Variants in PCDHA6 observed in about 807,000 individuals in gnomAD.
PCDHA6 encodes the protein protocadherin alpha 6.
In PCDHA6, 55 loss-of-function variants were observed where a neutral mutation model predicts 60.3. That is an observed-to-expected ratio of 0.91 (90% CI 0.73 to 1.14). PCDHA6 has a LOEUF of 1.14. PCDHA6 is among the 50% of genes most tolerant of loss of function. The pLI is 0.00. For synonymous variants in PCDHA6, 652 were observed against 557.9 expected (o/e 1.17, Z -2.38); for missense variants, 1,327 against 1,256.5 (o/e 1.06, Z -0.85).
intron 1 of PCDHA6, among the ~76,000 whole-genome samples, chr5:140,944,008 C>T (rs1253527034): frequency 1.3e-5 from 2 of 152,054 alleles, no homozygotes; most frequent in Non-Finnish European, 2.9e-5. Context: ...GAGTACCCCC[C>T]AAAAGCAATT....
chr5:140,924,178 A>C (rs2081709408), intron 1 of PCDHA6, among the ~76,000 whole-genome samples: 3 of 152,260 alleles, frequency 2.0e-5, no homozygotes. Context: ...GCACTGAAGC[A>C]GAAAATTAGT....
At chr5:140,876,274 G>C (rs1554168448) in intron 1 of PCDHA6, 8 of 1,613,990 alleles carry the variant, frequency 5.0e-6, no homozygotes, top group Non-Finnish European at 6.8e-6. Context: ...AAATGCTTCC[G>C]ATCCAGACGA....
At chr5:140,836,614 C>G in intron 1 of PCDHA6, 1 of 1,613,584 alleles carries the variant, frequency 6.2e-7, no homozygotes, top group Non-Finnish European at 8.5e-7. Context: ...TGCTCCAGCG[C>G]GGTGGGGAGC....
At chr5:140,997,727 C>G (rs2097783097) in intron 3 of PCDHA6, among the ~76,000 whole-genome samples, 1 of 151,244 alleles carries the variant, frequency 6.6e-6, no homozygotes, top group Admixed American at 6.6e-5. Flanking sequence ...TACGTCAGTA[C>G]ATATAGATTT....
intron 1 of PCDHA6, chr5:140,926,986 C>A (rs782199565): frequency 8.1e-6 from 13 of 1,610,594 alleles, no homozygotes; most frequent in Non-Finnish European, 2.5e-6. Flanking sequence ...GGAGACGGAG[C>A]GGGGCGTAGC....
intron 1 of PCDHA6, among the ~76,000 whole-genome samples, chr5:140,900,263 G>A (rs909474202): frequency 2.0e-5 from 3 of 151,830 alleles, no homozygotes; most frequent in African/African-American, 7.3e-5. Flanking sequence ...GTACTCCATT[G>A]TGTATATGTA....
chr5:140,932,607 T>C (rs555006363), intron 1 of PCDHA6, among the ~76,000 whole-genome samples: 8 of 152,052 alleles, frequency 5.3e-5, no homozygotes, highest in Non-Finnish European at 7.4e-5. Flanking sequence ...CTATTTTGAC[T>C]TTGAAGCTGA....
At chr5:140,867,604 A>C (rs1420460822) in intron 1 of PCDHA6, 1 of 152,164 alleles carries the variant, frequency 6.6e-6, no homozygotes, top group Non-Finnish European at 1.5e-5. Flanking sequence ...GAGATAAACC[A>C]TCAAAACTAT....
intron 1 of PCDHA6, chr5:140,835,804 T>C (rs1344050034): frequency 6.2e-7 from 1 of 1,612,866 alleles, no homozygotes; most frequent in East Asian, 2.2e-5. Context: ...GGCTGCCACA[T>C]CTTCACTGTG....
At chr5:140,883,634 G>C (rs782548505) in intron 1 of PCDHA6, 18 of 1,613,174 alleles carry the variant, frequency 1.1e-5, no homozygotes, top group African/African-American at 5.4e-5. Flanking sequence ...GCCGGCGTTC[G>C]CGCAGCCCGA....
intron 1 of PCDHA6, among the ~76,000 whole-genome samples, chr5:140,897,022 A>G (rs1009125089): frequency 2.6e-5 from 4 of 152,142 alleles, no homozygotes; most frequent in Non-Finnish European, 2.9e-5. Flanking sequence ...CAACTAAATT[A>G]TTTAGACCAT....
chr5:140,982,998 GAAAGAA>G (rs1469608645), intron 3 of PCDHA6, among the ~76,000 whole-genome samples: 10 of 151,726 alleles, frequency 6.6e-5, no homozygotes, highest in Admixed American at 5.2e-4. Context: ...AAGAAGGAAA[GAAAGAA>G]AAAGGAAGGA....
At chr5:140,884,496 G>T (rs782182672) in intron 1 of PCDHA6, 1 of 1,614,094 alleles carries the variant, frequency 6.2e-7, no homozygotes, top group Non-Finnish European at 8.5e-7. Flanking sequence ...GTGTGCTCCA[G>T]CGCGGCAGGG....
intron 1 of PCDHA6, chr5:140,883,308 C>A: frequency 6.2e-7 from 1 of 1,614,102 alleles, no homozygotes; most frequent in Non-Finnish European, 8.5e-7. Context: ...AATGATAACG[C>A]CCCAGAGGTT....
rs2150160897 is a variant in PCDHA6, at chr5:140,828,930, CT to C, written c.843del (p.Phe281LeufsTer15). ...DEGANGAISY[S>X]FNSLVAAMVI... is the part of the protein sequence containing the mutation. ...GGAGCGAATGGGGCAATTTCATATT[CT>C]TTTAATAGCCTTGTTGCAGCCATGG... On this transcript the variant is annotated frameshift_variant, in exon 1 of 4. Coordinates refer to ENST00000529310, the MANE Select transcript of PCDHA6 (RefSeq NM_018909.4). LOFTEE classifies it high-confidence loss of function. The C allele has an allele frequency of 5.6e-6, 9 of 1,614,116 alleles. No individual in the cohort carries two copies. In the South Asian group the frequency reaches 8.8e-5, roughly 16 times the overall value.
intron 1 of PCDHA6, chr5:140,836,768 A>AT: frequency 5.1e-6 from 8 of 1,555,112 alleles, no homozygotes; most frequent in Non-Finnish European, 7.0e-6. Context: ...GTTTCCAACA[A>AT]TTTTAAAACA....
chr5:140,998,942 T>C (rs1435302179), intron 3 of PCDHA6, among the ~76,000 whole-genome samples: 4 of 152,222 alleles, frequency 2.6e-5, no homozygotes, highest in Non-Finnish European at 5.9e-5. Flanking sequence ...ATGAAGAAAC[T>C]GTAAGTCAAT....
At position 140,990,371 on chromosome 5, in the gene PCDHA6, A is replaced by G. The variant is rs570757505; in HGVS notation, c.2542+7808A>G. Reference sequence around the variant, plus strand: ...CCTGTACAGAAAATCTAATAAAGCAAATTTGTTGGTGATGTTCCAAGAAGG... The same window carrying G: ...CCTGTACAGAAAATCTAATAAAGCAGATTTGTTGGTGATGTTCCAAGAAGG... On this transcript the variant is annotated intron_variant, in intron 3 of 3. Coordinates refer to ENST00000529310, the MANE Select transcript of PCDHA6 (RefSeq NM_018909.4). 7.2e-5 allele frequency among the ~76,000 whole-genome samples: 11 copies of G among 152,154 alleles called. No homozygotes were observed. The East Asian group carries it at 1.9e-3, about 27-fold the overall frequency.
intron 1 of PCDHA6, chr5:140,884,559 C>A (rs782174598): frequency 6.2e-7 from 1 of 1,614,094 alleles, no homozygotes; most frequent in South Asian, 1.1e-5. Flanking sequence ...GGGGAGGGCC[C>A]GCATAAGACG....
Sources: allele counts gnomAD v4.1 joint callset (sites outside exome capture counted in the v4.1 genomes callset), GRCh38; gene constraint gnomAD v4.1.1; transcripts MANE v1.5; gene names NCBI Gene and HGNC (gene_info 2026-07-23, HGNC 2026-07-21).